The following CSGALNACT1 variants were observed in gnomAD, a reference collection of about 807,000 sequenced individuals.
CSGALNACT1 encodes chondroitin sulfate N-acetylgalactosaminyltransferase 1, also known as beta4GalNAcT-1.
CSGALNACT1 carries 52 observed loss-of-function variants against 51.0 expected under a neutral mutation model. The ratio of observed to expected loss-of-function variants is 1.02; its 90% CI spans 0.82 to 1.29. The LOEUF (loss-of-function observed/expected upper bound fraction) is 1.29, where lower values mean the gene tolerates loss of function less well. Ranked by LOEUF, CSGALNACT1 falls within the 50% of genes most tolerant of loss-of-function variation. The probability of loss-of-function intolerance (pLI) is 0.00; values close to 1 mark genes in which losing one functional copy is unlikely to be tolerated. For missense variants in CSGALNACT1, 935 were observed against 679.2 expected, an observed-to-expected ratio of 1.38 and a Z score of -4.19; for synonymous variants, 341 against 254.4, an observed-to-expected ratio of 1.34 and a Z score of -3.24.
In CSGALNACT1 at chr8:19,701,489, C is replaced by G. The variant is rs141272983; in HGVS notation, c.-297+56361G>C. ...TCTTAAGACACCAAAGCAGTGCCAG[C>G]AACTGTGTACCTCCAGTCTTCTTGT... On this transcript the variant is annotated intron_variant, in intron 1 of 1. Coordinates refer to the CSGALNACT1 transcript ENST00000517494. Among the ~76,000 whole-genome samples, 642 of 152,172 alleles carry G rather than the reference C, an allele frequency of 4.2e-3. 6 individuals are homozygous for G. Among genetic ancestry groups the G allele is most frequent in the African/African-American group, 0.014 (593 of 41,510 alleles).
At chr8:19,619,369 G>C (rs1330838952) in intron 1 of CSGALNACT1, among the ~76,000 whole-genome samples, 1 of 152,092 alleles carries the variant, frequency 6.6e-6, no homozygotes, top group African/African-American at 2.4e-5. Context: ...AAGGGAGCGA[G>C]TCTATAGAGG....
rs963657293 is a variant in CSGALNACT1 at position 19,623,471 on chromosome 8, A to AT, written c.-543-21607dup. ...TAAACAGCATAAAATATCCTGTCACATTTTTTAAGAATTGAACAATACTAT... is the reference window on the plus strand; with the variant it reads ...TAAACAGCATAAAATATCCTGTCACATTTTTTTAAGAATTGAACAATACTAT... On this transcript the variant is annotated intron_variant, in intron 1 of 9. Transcript: ENST00000332246. Among the ~76,000 whole-genome samples, 20 of 152,338 alleles carry AT rather than the reference A, an allele frequency of 1.3e-4. 1 individual carries two copies. Among genetic ancestry groups the AT allele is most frequent in the African/African-American group, 4.6e-4 (19 of 41,580 alleles).
chr8:19,464,708 T>C (rs150042094), intron 4 of CSGALNACT1, among the ~76,000 whole-genome samples: 82 of 152,282 alleles, frequency 5.4e-4, no homozygotes, highest in African/African-American at 1.9e-3. Flanking sequence ...GTAGGGCGTA[T>C]GCTCCTTATG....
intron 4 of CSGALNACT1, among the ~76,000 whole-genome samples, chr8:19,493,102 T>C (rs1167679460): frequency 2.0e-5 from 3 of 152,056 alleles, no homozygotes; most frequent in Middle Eastern, 3.4e-3. Flanking sequence ...ACAGATTCTT[T>C]ATTAAACACT....
At chr8:19,490,534 C>A (rs1321845885) in intron 4 of CSGALNACT1, among the ~76,000 whole-genome samples, 1 of 152,212 alleles carries the variant, frequency 6.6e-6, no homozygotes, top group African/African-American at 2.4e-5. Flanking sequence ...CCTCTGGTTC[C>A]ACCAAACTCT....
exon 5 of CSGALNACT1, chr8:19,458,616 C>T (rs757988984): frequency 6.2e-7 from 1 of 1,614,024 alleles, no homozygotes; most frequent in Non-Finnish European, 8.5e-7. Context: ...TACAATGTCC[C>T]TTTGTCCCTT....
chr8:19,445,935 G>A (rs1471964551), intron 5 of CSGALNACT1, among the ~76,000 whole-genome samples: 6 of 152,194 alleles, frequency 3.9e-5, no homozygotes, highest in Admixed American at 3.9e-4. Flanking sequence ...AGCACTTTGA[G>A]AGGCCGAGGC....
intron 4 of CSGALNACT1, among the ~76,000 whole-genome samples, chr8:19,482,841 T>A (rs1016907277): frequency 1.3e-5 from 2 of 152,176 alleles, no homozygotes; most frequent in Non-Finnish European, 2.9e-5. Flanking sequence ...CCAACTGTCT[T>A]GGCCCTCTCC....
intron 4 of CSGALNACT1, among the ~76,000 whole-genome samples, chr8:19,468,578 C>T (rs796208995): frequency 2.6e-5 from 4 of 152,136 alleles, no homozygotes; most frequent in African/African-American, 9.6e-5. Flanking sequence ...AAGGAAAGAA[C>T]CACGATGGTT....
chr8:19,579,344 G>T (rs2045039634), intron 3 of CSGALNACT1, among the ~76,000 whole-genome samples: 2 of 152,272 alleles, frequency 1.3e-5, no homozygotes, highest in Admixed American at 6.5e-5. Context: ...GGCTGACAGG[G>T]TCTGCAGCAC....
intron 1 of CSGALNACT1, among the ~76,000 whole-genome samples, chr8:19,716,368 G>T (rs1313606043): frequency 6.6e-6 from 1 of 151,890 alleles, no homozygotes. Flanking sequence ...ATCTTCCTGT[G>T]TTGTCAATCT....
rs182619460 is a variant in CSGALNACT1, at chr8:19,559,576, G to A, written c.-297+31584C>T. ...GATATGATATCCAAATACATTCACA[G>A]ATAAGCTGTTAGAATAGTAGAGTTC... On this transcript the variant is annotated intron_variant, in intron 3 of 9. Coordinates refer to ENST00000454498, the Ensembl canonical transcript of CSGALNACT1. Among the ~76,000 whole-genome samples, 687 of 152,260 alleles carry A rather than the reference G, an allele frequency of 4.5e-3. 4 individuals carry two copies. Among genetic ancestry groups the A allele is most frequent in the African/African-American group, 0.015 (641 of 41,550 alleles).
At position 19,757,571 on chromosome 8, in the gene CSGALNACT1, C is replaced by A. The variant is rs1338078443; in HGVS notation, c.-297+279G>T. 6.6e-6 allele frequency among the ~76,000 whole-genome samples: 1 copy of A among 152,152 alleles called. No homozygotes were observed. Among genetic ancestry groups the A allele is most frequent in the Non-Finnish European group, 1.5e-5 (1 of 68,018 alleles). On this transcript the variant is annotated intron_variant, in intron 1 of 1. Transcript: ENST00000517494. This position sits in a 1 kb window ranked among gnomAD's most constrained non-coding sequence, Gnocchi z 4.0. ...GACACCAGGGGCGGTTTACGCGTGA[C>A]TGGACACCAAGAGCCGGAGAAGTTT... is the stretch of plus-strand genomic sequence containing the variant.
chr8:19,446,291 G>A (rs911497803), intron 5 of CSGALNACT1, among the ~76,000 whole-genome samples: 12 of 152,114 alleles, frequency 7.9e-5, no homozygotes, highest in African/African-American at 2.9e-4. Context: ...ATGGTACCTG[G>A]GTCCCTTGGG....
At chr8:19,625,753 G>A (rs1474055439) in intron 1 of CSGALNACT1, among the ~76,000 whole-genome samples, 5 of 152,290 alleles carry the variant, frequency 3.3e-5, no homozygotes, top group African/African-American at 1.2e-4. Context: ...AAGAGAGGGG[G>A]CCTTAAGGCA....
intron 2 of CSGALNACT1, among the ~76,000 whole-genome samples, chr8:19,592,177 T>C (rs2047957249): frequency 6.6e-6 from 1 of 152,206 alleles, no homozygotes; most frequent in Non-Finnish European, 1.5e-5. Context: ...CAATCCCTGA[T>C]GTTAGTACTA....
At chr8:19,464,511 T>C (rs2066242040) in intron 4 of CSGALNACT1, among the ~76,000 whole-genome samples, 2 of 152,094 alleles carry the variant, frequency 1.3e-5, no homozygotes, top group Admixed American at 6.5e-5. Flanking sequence ...CTGGTTTATA[T>C]TAAGCACATA....
chr8:19,440,517 AC>A (rs768442197), intron 5 of CSGALNACT1, among the ~76,000 whole-genome samples: 15 of 151,716 alleles, frequency 9.9e-5, no homozygotes, highest in Non-Finnish European at 1.9e-4. Context: ...AAATTCAACA[AC>A]CCTTCATGCT....
intron 3 of CSGALNACT1, among the ~76,000 whole-genome samples, chr8:19,512,326 T>C (rs2078623463): frequency 6.6e-6 from 1 of 152,162 alleles, no homozygotes; most frequent in Non-Finnish European, 1.5e-5. Context: ...AGGTAAGGCC[T>C]GAGATGACTG....
Sources: gnomAD v4.1 joint callset for allele counts (sites outside exome capture counted in the v4.1 genomes callset) on GRCh38, gnomAD v4.1.1 for gene constraint, Gnocchi (gnomAD v3.1) non-coding constraint, MANE v1.5 for transcripts, NCBI Gene and HGNC (gene_info 2026-07-23, HGNC 2026-07-21) for gene names.